The following SHB variants were observed in gnomAD, a reference collection of about 807,000 sequenced individuals.
SHB encodes the protein SH2 domain containing adaptor protein B, also known as SH2 domain-containing adapter protein B.
A neutral mutation model predicts 52.3 loss-of-function variants in SHB; 20 were observed. The ratio of observed to expected loss-of-function variants is 0.38; its 90% confidence interval spans 0.27 to 0.56. The LOEUF is 0.56. Among genes scored for constraint, SHB ranks in the 20% least tolerant of loss-of-function variants. The pLI, the probability that SHB is intolerant of heterozygous loss-of-function variation, is 0.71. For synonymous variants in SHB, 397 were observed against 316.5 expected (o/e 1.25, Z -2.70); for missense variants, 825 against 723.3 (o/e 1.14, Z -1.61).
chr9:38,052,260 GCT>G (rs1821760926), intron 1 of SHB, among the ~76,000 whole-genome samples: 1 of 151,814 alleles, frequency 6.6e-6, no homozygotes, highest in Non-Finnish European at 1.5e-5. Flanking sequence ...CTGCTTGGTA[GCT>G]CTGTCCTTTC....
chr9:38,019,360 C>T (rs965324757), intron 1 of SHB, among the ~76,000 whole-genome samples: 1 of 152,220 alleles, frequency 6.6e-6, no homozygotes, highest in African/African-American at 2.4e-5. Context: ...CACTGCAGGG[C>T]GTTGTCAGTC....
chr9:38,029,124 C>T (rs1258173738), intron 1 of SHB, among the ~76,000 whole-genome samples: 1 of 152,214 alleles, frequency 6.6e-6, no homozygotes, highest in Non-Finnish European at 1.5e-5. Context: ...CCACCACAGC[C>T]TTTGCCTTGA....
intron 5 of SHB, among the ~76,000 whole-genome samples, chr9:37,934,506 G>A (rs2055016066): frequency 6.6e-6 from 1 of 150,728 alleles, no homozygotes; most frequent in Non-Finnish European, 1.5e-5. Flanking sequence ...TCACTATGTT[G>A]CCCAGGCTGG....
chr9:37,954,616 C>T (rs576066560), intron 4 of SHB, among the ~76,000 whole-genome samples: 2 of 152,306 alleles, frequency 1.3e-5, no homozygotes, highest in South Asian at 2.1e-4. Flanking sequence ...CCCTTTATTG[C>T]ACATTTGCTT....
At chr9:38,026,705 C>T (rs537634807) in intron 1 of SHB, among the ~76,000 whole-genome samples, 20 of 152,334 alleles carry the variant, frequency 1.3e-4, no homozygotes, top group South Asian at 2.1e-4. Context: ...TCTCCTGTGC[C>T]GTCATCTAGG....
chr9:38,066,209 TTAACTG>T (rs1476644228), intron 1 of SHB, among the ~76,000 whole-genome samples: 1 of 152,250 alleles, frequency 6.6e-6, no homozygotes, highest in African/African-American at 2.4e-5. Flanking sequence ...TGAAACAGTC[TTAACTG>T]TAACTGGGAA....
At chr9:37,984,912 C>T (rs1052104015) in intron 2 of SHB, among the ~76,000 whole-genome samples, 1 of 152,148 alleles carries the variant, frequency 6.6e-6, no homozygotes, top group Non-Finnish European at 1.5e-5. Flanking sequence ...GGCTGCAGGA[C>T]GGCAAGGGCA....
intron 1 of SHB, among the ~76,000 whole-genome samples, chr9:38,065,640 T>C (rs987289190): frequency 1.3e-5 from 2 of 152,176 alleles, no homozygotes; most frequent in South Asian, 4.1e-4. Context: ...AAAGAACATC[T>C]GGACAACTTC....
At chr9:38,045,482 G>A (rs568159268) in intron 1 of SHB, among the ~76,000 whole-genome samples, 3 of 151,560 alleles carry the variant, frequency 2.0e-5, no homozygotes, top group East Asian at 3.9e-4. Context: ...TAGGTGGCGC[G>A]CACCTGTAAT....
intron 1 of SHB, 128 bp downstream of exon 1, chr9:38,067,801 G>A: frequency 1.9e-6 from 2 of 1,064,542 alleles, no homozygotes; most frequent in Non-Finnish European, 2.5e-6. Flanking sequence ...GAAGCAGCAC[G>A]CCAGCCCCGA....
intron 2 of SHB, among the ~76,000 whole-genome samples, chr9:37,989,279 T>C (rs994367231): frequency 6.6e-6 from 1 of 152,172 alleles, no homozygotes; most frequent in Non-Finnish European, 1.5e-5. Context: ...TGAGGAATTA[T>C]CTTTATCACA....
intron 2 of SHB, among the ~76,000 whole-genome samples, chr9:37,991,510 T>C (rs1820881749): frequency 6.6e-6 from 1 of 152,256 alleles, no homozygotes; most frequent in Non-Finnish European, 1.5e-5. Flanking sequence ...AACTCCAAGA[T>C]GTACATTTTA....
chr9:38,037,429 C>T (rs1821502686), intron 1 of SHB, among the ~76,000 whole-genome samples: 1 of 152,174 alleles, frequency 6.6e-6, no homozygotes, highest in Non-Finnish European at 1.5e-5. Flanking sequence ...TCATACTGTG[C>T]CCTTCTCTCT....
chr9:37,971,553 G>A (rs1365478494), intron 3 of SHB, among the ~76,000 whole-genome samples: 3 of 152,194 alleles, frequency 2.0e-5, no homozygotes, highest in African/African-American at 7.2e-5. Context: ...CTATGCCCCA[G>A]GAAGCAGAAC....
chr9:37,956,797 T>C (rs757359470), intron 3 of SHB, among the ~76,000 whole-genome samples: 28 of 152,148 alleles, frequency 1.8e-4, no homozygotes, highest in Non-Finnish European at 3.1e-4. Context: ...CCTTGCCAGT[T>C]ATCCAGCTGG....
At chr9:38,059,239 A>T (rs867246824) in intron 1 of SHB, among the ~76,000 whole-genome samples, 5 of 81,788 alleles carry the variant, frequency 6.1e-5, no homozygotes, top group African/African-American at 2.3e-4. Flanking sequence ...CGCTTCCCCC[A>T]CCCACCCACC....
intron 2 of SHB, among the ~76,000 whole-genome samples, chr9:37,983,681 A>G (rs1247812978): frequency 6.6e-6 from 1 of 152,094 alleles, no homozygotes; most frequent in African/African-American, 2.4e-5. Flanking sequence ...CCCTGCCACT[A>G]CCTCTCAACC....
chr9:37,987,299 CGT>C (rs1820821821), intron 2 of SHB, among the ~76,000 whole-genome samples: 1 of 152,216 alleles, frequency 6.6e-6, no homozygotes, highest in South Asian at 2.1e-4. Flanking sequence ...TCCAGCTTCT[CGT>C]TTAACTCTCA....
At chr9:37,963,574 G>A (rs528052136) in intron 3 of SHB, among the ~76,000 whole-genome samples, 1 of 152,310 alleles carries the variant, frequency 6.6e-6, no homozygotes, top group East Asian at 1.9e-4. Flanking sequence ...CCCTGGCAGG[G>A]GTTCCTGCAC....
Sources: allele counts gnomAD v4.1 joint callset (sites outside exome capture counted in the v4.1 genomes callset), GRCh38; gene constraint gnomAD v4.1.1; transcripts MANE v1.5; gene names NCBI Gene and HGNC (gene_info 2026-07-23, HGNC 2026-07-21).